KIAA1217: variants seen among roughly 807,000 people sequenced by gnomAD.
The protein encoded by KIAA1217 is sickle tail protein homolog.
In KIAA1217, 88 loss-of-function variants were observed where a neutral mutation model predicts 163.9. The observed-to-expected ratio is 0.54, with a 90% CI of 0.45 to 0.64. The LOEUF is 0.64. Ranked by LOEUF, KIAA1217 falls within the 30% of genes least tolerant of loss-of-function variation. The pLI is 0.00. For synonymous variants in KIAA1217, 903 were observed against 923.1 expected (o/e 0.98, Z 0.39); for missense variants, 2,372 against 2,475.0 (o/e 0.96, Z 0.88).
At chr10:24,391,105 C>A (rs560913982) in intron 3 of KIAA1217, among the ~76,000 whole-genome samples, 7 of 152,052 alleles carry the variant, frequency 4.6e-5, no homozygotes, top group African/African-American at 1.4e-4. Flanking sequence ...GATTCTATGC[C>A]TTTTACCAAA....
intron 2 of KIAA1217, among the ~76,000 whole-genome samples, chr10:24,260,678 G>A (rs944529448): frequency 2.7e-5 from 4 of 150,338 alleles, no homozygotes; most frequent in Admixed American, 2.0e-4. Flanking sequence ...CCAGGAGTTC[G>A]AGGCTGCAGT....
chr10:23,854,990 A>T (rs1839573000), intron 1 of KIAA1217, among the ~76,000 whole-genome samples: 1 of 152,132 alleles, frequency 6.6e-6, no homozygotes, highest in Admixed American at 6.5e-5. Context: ...TGTGTCTTTT[A>T]ATTGGAGCAT....
intron 1 of KIAA1217, among the ~76,000 whole-genome samples, chr10:23,969,448 CA>C (rs1845212640): frequency 6.6e-6 from 1 of 152,194 alleles, no homozygotes; most frequent in Admixed American, 6.5e-5. Flanking sequence ...ACAACCTCAC[CA>C]AAATTTGTTA....
chr10:23,999,746 A>C (rs1159371442), intron 1 of KIAA1217, among the ~76,000 whole-genome samples: 2 of 152,210 alleles, frequency 1.3e-5, no homozygotes, highest in African/African-American at 4.8e-5. Context: ...CTGACTAATA[A>C]AAATATCATG....
chr10:24,515,877 G>A (rs780231620), intron 10 of KIAA1217, among the ~76,000 whole-genome samples: 1 of 152,168 alleles, frequency 6.6e-6, no homozygotes, highest in Non-Finnish European at 1.5e-5. Flanking sequence ...TTCAAGAACA[G>A]GCTGGGCAAT....
rs569087538 is a variant in KIAA1217, at chr10:23,821,448, T to C, written c.-321+126214T>C. Among the ~76,000 whole-genome samples, 92 of 152,254 alleles carry C rather than the reference T, an allele frequency of 6.0e-4. 4 individuals carry two copies. Among genetic ancestry groups the C allele is most frequent in the Non-Finnish European group, 2.9e-5 (2 of 68,026 alleles). ...GCAAACCACAAATCAGAGTGAGCAC[T>C]GGTTTGTGTTTTCTAAGAGAGGCAT... On this transcript the variant is annotated intron_variant, in intron 1 of 18. Transcript: ENST00000376462.
At chr10:24,077,159 G>A (rs900053543) in intron 2 of KIAA1217, among the ~76,000 whole-genome samples, 2 of 152,166 alleles carry the variant, frequency 1.3e-5, no homozygotes, top group African/African-American at 4.8e-5. Context: ...TTACAGGTGT[G>A]AGCCACTGTG....
chr10:23,724,528 A>G lies in KIAA1217; in HGVS notation c.-321+29294A>G, dbSNP rs1466020431. Among the ~76,000 whole-genome samples the G allele has an allele frequency of 3.9e-5, 6 of 152,156 alleles. No individual in the cohort carries two copies. The East Asian group carries it at 9.6e-4, about 24-fold the overall frequency. ...AAGATATTATCCAAGGTATTTTTAC[A>G]ATGGTGTTAGATTTTTCAGTAGTGG... On this transcript the variant is annotated intron_variant, in intron 1 of 18. Coordinates refer to the KIAA1217 transcript ENST00000376462.
chr10:24,453,303 C>G (rs1399645943), intron 5 of KIAA1217, among the ~76,000 whole-genome samples: 1 of 152,196 alleles, frequency 6.6e-6, no homozygotes, highest in African/African-American at 2.4e-5. Context: ...TTTTGTGGTA[C>G]CTGAGTCCAG....
At chr10:24,090,018 C>T (rs1314113529) in intron 2 of KIAA1217, among the ~76,000 whole-genome samples, 1 of 151,714 alleles carries the variant, frequency 6.6e-6, no homozygotes, top group Admixed American at 6.6e-5. Flanking sequence ...AAGCTGGAGG[C>T]ATCAGGCTCT....
intron 1 of KIAA1217, among the ~76,000 whole-genome samples, chr10:23,952,580 C>G (rs943949375): frequency 3.3e-5 from 5 of 152,192 alleles, no homozygotes; most frequent in African/African-American, 1.2e-4. Flanking sequence ...GCCATTTTCT[C>G]CATTTAGGGA....
chr10:24,379,280 A>C (rs1041937815), intron 2 of KIAA1217, among the ~76,000 whole-genome samples: 6 of 152,196 alleles, frequency 3.9e-5, no homozygotes, highest in African/African-American at 9.7e-5. Flanking sequence ...AAATACTTGT[A>C]ATGTGTGTCA....
At chr10:24,175,146 G>C (rs570049504) in intron 2 of KIAA1217, among the ~76,000 whole-genome samples, 260 of 152,236 alleles carry the variant, frequency 1.7e-3, no homozygotes, top group Non-Finnish European at 3.2e-3. Context: ...ACAGGCGTGA[G>C]CCACCGCACC....
chr10:24,105,275 C>T (rs2062579794), intron 2 of KIAA1217, among the ~76,000 whole-genome samples: 2 of 152,196 alleles, frequency 1.3e-5, no homozygotes, highest in South Asian at 4.2e-4. Context: ...TAGCACAAAG[C>T]ATCAAGTTGC....
chr10:23,737,636 CA>C (rs1387155323), intron 1 of KIAA1217, among the ~76,000 whole-genome samples: 1 of 152,036 alleles, frequency 6.6e-6, no homozygotes, highest in East Asian at 1.9e-4. Context: ...CATTCTAAAA[CA>C]GAATAAAAAA....
intron 3 of KIAA1217, among the ~76,000 whole-genome samples, chr10:24,422,901 C>CTTTTTTTTTTTTTTTTTTTTTTTTTTT (rs58161228): frequency 1.7e-5 from 2 of 120,620 alleles, no homozygotes; most frequent in African/African-American, 3.1e-5. Context: ...ATAGATTTAA[C>CTTTTTTTTTTTTTTTTTTTTTTTTTTT]TTTTTTTTTT....
At chr10:23,975,914 A>G (rs7912455) in intron 1 of KIAA1217, among the ~76,000 whole-genome samples, 95,570 of 151,952 alleles carry the variant, frequency 0.63, 32,345 homozygotes, top group African/African-American at 0.89. Context: ...CATTGCACCC[A>G]TTTTCTTGAT....
At chr10:24,458,269 G>A (rs1017820095) in intron 5 of KIAA1217, among the ~76,000 whole-genome samples, 27 of 152,220 alleles carry the variant, frequency 1.8e-4, no homozygotes, top group African/African-American at 6.5e-4. Context: ...TGACTGACTT[G>A]CTATTTGAAC....
intron 2 of KIAA1217, among the ~76,000 whole-genome samples, chr10:24,041,105 A>C (rs1455978162): frequency 6.6e-6 from 1 of 152,246 alleles, no homozygotes; most frequent in African/African-American, 2.4e-5. Context: ...TAAATGGGGA[A>C]TAGCACAGTA....
Sources: gnomAD v4.1 joint callset for allele counts (sites outside exome capture counted in the v4.1 genomes callset) on GRCh38, gnomAD v4.1.1 for gene constraint, MANE v1.5 for transcripts, NCBI Gene and HGNC (gene_info 2026-07-23, HGNC 2026-07-21) for gene names.